The following PFKP variants were observed in gnomAD, a reference collection of about 807,000 sequenced individuals.
The protein encoded by PFKP is ATP-dependent 6-phosphofructokinase, platelet type.
In PFKP, 101 loss-of-function variants were observed where a neutral mutation model predicts 94.3. The ratio of observed to expected loss-of-function variants is 1.07; its 90% CI spans 0.91 to 1.26. The LOEUF (loss-of-function observed/expected upper bound fraction) is 1.26. Ranked by LOEUF, PFKP falls within the 50% of genes most tolerant of loss-of-function variation. The pLI is 0.00. For synonymous variants in PFKP, 573 were observed against 432.6 expected (o/e 1.32, Z -4.03); for missense variants, 1,145 against 1,103.3 (o/e 1.04, Z -0.53).
chr10:3,133,502 C>T (rs961848151), intron 19 of PFKP, among the ~76,000 whole-genome samples, 188 bp downstream of exon 19: 8 of 152,228 alleles, frequency 5.3e-5, no homozygotes. Context: ...ACAAGCTTGG[C>T]TCACTGCAAC....
intron 4 of PFKP, among the ~76,000 whole-genome samples, chr10:3,101,969 G>T (rs560715181): frequency 2.6e-5 from 4 of 152,098 alleles, no homozygotes; most frequent in African/African-American, 9.7e-5. Flanking sequence ...AACTGAAGTT[G>T]GGCCGGGCGC....
intron 2 of PFKP, among the ~76,000 whole-genome samples, chr10:3,093,316 T>C (rs946924276): frequency 6.6e-6 from 1 of 152,190 alleles, no homozygotes; most frequent in Non-Finnish European, 1.5e-5. Flanking sequence ...CTCTTTGATG[T>C]TTTAAACATA....
intron 2 of PFKP, among the ~76,000 whole-genome samples, chr10:3,097,572 AGGGCCTGG>A (rs919298849): frequency 6.6e-6 from 1 of 152,098 alleles, no homozygotes; most frequent in South Asian, 2.1e-4. Context: ...CCTGTGAGCC[AGGGCCTGG>A]GTGCCTGGGG....
intron 1 of PFKP, among the ~76,000 whole-genome samples, chr10:3,074,517 G>A (rs1374923468): frequency 4.6e-5 from 7 of 152,196 alleles, no homozygotes; most frequent in Non-Finnish European, 1.0e-4. Flanking sequence ...CACAAGTTTA[G>A]GGTATCACAA....
chr10:3,123,878 G>A (rs1478495484), intron 16 of PFKP, among the ~76,000 whole-genome samples: 7 of 152,366 alleles, frequency 4.6e-5, no homozygotes, highest in Middle Eastern at 3.4e-3. Context: ...AGCTGGGCAC[G>A]TGCTGGGCCT....
intron 8 of PFKP, chr10:3,108,035 A>G (rs1266235123): frequency 4.7e-6 from 6 of 1,286,714 alleles, no homozygotes; most frequent in Non-Finnish European, 6.1e-6. Context: ...ATCTCTGGAT[A>G]TGAAAACAGT....
chr10:3,099,225 A>G, intron 2 of PFKP, 50 bp from the exon 3 acceptor site: 2 of 1,352,278 alleles, frequency 1.5e-6, no homozygotes, highest in Non-Finnish European at 2.1e-6. Flanking sequence ...ATCACTTCCC[A>G]TTTAGTGAAG....
At chr10:3,072,345 C>T (rs1296626197) in intron 1 of PFKP, among the ~76,000 whole-genome samples, 1 of 152,208 alleles carries the variant, frequency 6.6e-6, no homozygotes, top group Admixed American at 6.5e-5. Context: ...ACATGGGCAC[C>T]TTTGGTGTCT....
At chr10:3,113,585 G>A (rs545382790) in intron 13 of PFKP, 67 bp downstream of exon 13, 133 of 1,466,928 alleles carry the variant, frequency 9.1e-5, no homozygotes, top group Non-Finnish European at 2.4e-5. Context: ...CGTGGCGGCG[G>A]GGGGGTGCCC....
chr10:3,102,273 A>C (rs1183126730), intron 4 of PFKP, among the ~76,000 whole-genome samples: 1 of 142,120 alleles, frequency 7.0e-6, no homozygotes, highest in Non-Finnish European at 1.5e-5. Context: ...AAAAAAAAAA[A>C]CTGAAGTTGC....
At chr10:3,080,471 T>C (rs1250540083) in intron 1 of PFKP, among the ~76,000 whole-genome samples, 10 of 137,616 alleles carry the variant, frequency 7.3e-5, no homozygotes, top group Admixed American at 1.6e-4. Flanking sequence ...GAGCCGAGAT[T>C]GCACCACTGC....
Position 3,107,665 on chromosome 10 carries a change from TTC to T in PFKP, c.870+358_870+359del, listed in dbSNP as rs1223332602. 3.4e-6 allele frequency: 3 copies of T among 871,306 alleles called. No individual in the cohort carries two copies. In the African/African-American group the frequency reaches 5.5e-5, roughly 16 times the overall value. The allele number at this position is 871,306 out of a possible 1,614,324, so 54.0% of individuals were successfully genotyped here. On this transcript the variant is annotated intron_variant, in intron 8 of 21. Transcript: ENST00000381125. ...TGACCACTTGGCAGCCGACCCGGGCTTCTGTTTGCCACAGTGGGAAAAGGCGG... is the reference window on the plus strand; with the variant it reads ...TGACCACTTGGCAGCCGACCCGGGCTTGTTTGCCACAGTGGGAAAAGGCGG...
intron 16 of PFKP, among the ~76,000 whole-genome samples, chr10:3,126,583 C>G (rs1051300695): frequency 6.6e-6 from 1 of 152,238 alleles, no homozygotes; most frequent in Non-Finnish European, 1.5e-5. Flanking sequence ...CGTCTGGCCA[C>G]CGACTTCAGC....
At chr10:3,110,477 A>G (rs1836080794) in intron 10 of PFKP, among the ~76,000 whole-genome samples, 2 of 149,980 alleles carry the variant, frequency 1.3e-5, no homozygotes, top group African/African-American at 2.5e-5. Flanking sequence ...CGGCCTCCCA[A>G]AGTGCTGGGA....
At chr10:3,080,646 C>T (rs930391119) in intron 1 of PFKP, among the ~76,000 whole-genome samples, 7 of 152,156 alleles carry the variant, frequency 4.6e-5, no homozygotes, top group Non-Finnish European at 8.8e-5. Context: ...GCACCGTCCC[C>T]ATACCCAGCT....
intron 21 of PFKP, 119 bp from the exon 22 acceptor site, chr10:3,136,331 G>C (rs758292929): frequency 5.2e-5 from 50 of 961,790 alleles, no homozygotes; most frequent in African/African-American, 3.3e-5. Context: ...TCATCTAGTT[G>C]ATTCAGCCGA....
At chr10:3,078,027 C>T (rs1461193838) in intron 1 of PFKP, among the ~76,000 whole-genome samples, 1 of 152,196 alleles carries the variant, frequency 6.6e-6, no homozygotes, top group East Asian at 1.9e-4. Flanking sequence ...TTGGGTTGGG[C>T]TCCCAAAACC....
At chr10:3,086,135 G>A (rs1018560508) in intron 2 of PFKP, among the ~76,000 whole-genome samples, 8 of 152,170 alleles carry the variant, frequency 5.3e-5, no homozygotes, top group East Asian at 3.9e-4. Flanking sequence ...GTTATAATTC[G>A]CAAAATGTTT....
chr10:3,134,773 AG>A (rs1329590023), intron 20 of PFKP, among the ~76,000 whole-genome samples, 191 bp downstream of exon 20: 2 of 152,264 alleles, frequency 1.3e-5, no homozygotes, highest in Non-Finnish European at 2.9e-5. Flanking sequence ...GGATAAGATC[AG>A]CTTGGGTATG....
Sources: allele counts gnomAD v4.1 joint callset (sites outside exome capture counted in the v4.1 genomes callset), GRCh38; gene constraint gnomAD v4.1.1; transcripts MANE v1.5; gene names NCBI Gene and HGNC (gene_info 2026-07-23, HGNC 2026-07-21).